TENM3: variants seen among roughly 807,000 people sequenced by gnomAD.
The protein encoded by TENM3 is teneurin-3.
Under a neutral mutation model 255.1 loss-of-function variants are expected in TENM3, and 63 were observed. The observed-to-expected ratio is 0.25, with a 90% CI of 0.20 to 0.30. The LOEUF is 0.30. TENM3 is among the 10% of genes least tolerant of loss of function. The probability of loss-of-function intolerance (pLI) is 1.00; values close to 1 mark genes in which losing one functional copy is unlikely to be tolerated. For synonymous variants in TENM3, 1,306 were observed against 1,322.3 expected, an observed-to-expected ratio of 0.99 and a Z score of 0.27; for missense variants, 2,929 against 3,461.1, an observed-to-expected ratio of 0.85 and a Z score of 3.86.
At chr4:182,316,155 G>A (rs867644844) in intron 1 of TENM3, among the ~76,000 whole-genome samples, 17 of 152,280 alleles carry the variant, frequency 1.1e-4, no homozygotes, top group African/African-American at 2.6e-4. Context: ...CTTGTTGAAT[G>A]ATGGATATTT....
chr4:182,506,805 G>A (rs1296265496), intron 3 of TENM3, among the ~76,000 whole-genome samples: 1 of 152,164 alleles, frequency 6.6e-6, no homozygotes, highest in Non-Finnish European at 1.5e-5. Flanking sequence ...GGAAGAGCTC[G>A]AGACATCTTT....
intron 3 of TENM3, among the ~76,000 whole-genome samples, chr4:182,377,439 G>T (rs997160572): frequency 6.6e-5 from 10 of 151,988 alleles, no homozygotes; most frequent in Non-Finnish European, 1.3e-4. Context: ...TCAGCCTTGC[G>T]AATAGCTGGT....
At chr4:181,832,940 G>A in the TENM3 span, among the ~76,000 whole-genome samples, 1 of 152,072 alleles carries the variant, frequency 6.6e-6, no homozygotes, top group African/African-American at 2.4e-5. Flanking sequence ...CCAAACTAGT[G>A]GTGGACACAA....
intron 5 of TENM3, among the ~76,000 whole-genome samples, chr4:182,632,511 GCTGA>G (rs1235957175): frequency 2.6e-5 from 4 of 151,998 alleles, no homozygotes; most frequent in African/African-American, 7.3e-5. Context: ...TACTAGTAGC[GCTGA>G]CTATCTTCTC....
intron 13 of TENM3, among the ~76,000 whole-genome samples, chr4:182,718,532 C>T (rs192389406): frequency 5.0e-4 from 75 of 149,956 alleles, no homozygotes; most frequent in African/African-American, 1.6e-3. Flanking sequence ...GGCAGAAAAA[C>T]GGTCTACTAT....
At chr4:182,173,998 C>T (rs1752278205) in intron 1 of TENM3, among the ~76,000 whole-genome samples, 5 of 152,060 alleles carry the variant, frequency 3.3e-5, no homozygotes, top group African/African-American at 7.2e-5. Context: ...TATTAATATG[C>T]TTTAGTCACT....
chr4:181,847,614 T>C, the TENM3 span, among the ~76,000 whole-genome samples: 1 of 152,028 alleles, frequency 6.6e-6, no homozygotes, highest in African/African-American at 2.4e-5. Context: ...ATAAAACATC[T>C]ATAAAATACA....
intron 16 of TENM3, among the ~76,000 whole-genome samples, chr4:182,731,530 C>G (rs1365306033): frequency 1.3e-5 from 2 of 151,384 alleles, no homozygotes; most frequent in African/African-American, 4.9e-5. Flanking sequence ...AAAAACAAAA[C>G]CAAAAAAACC....
the TENM3 span, among the ~76,000 whole-genome samples, chr4:181,788,656 A>T: frequency 6.6e-6 from 1 of 152,012 alleles, no homozygotes; most frequent in African/African-American, 2.4e-5. Context: ...GGAGTGCAGT[A>T]GTATAATCAG....
chr4:182,645,077 C>G (rs2152499777), intron 5 of TENM3, among the ~76,000 whole-genome samples: 1 of 151,912 alleles, frequency 6.6e-6, no homozygotes, highest in East Asian at 2.0e-4. Flanking sequence ...TGGTTTTTAT[C>G]TTCATAATTG....
At chr4:182,778,898 TTAAG>T (rs1561240778) in intron 24 of TENM3, among the ~76,000 whole-genome samples, 1 of 151,710 alleles carries the variant, frequency 6.6e-6, no homozygotes, top group African/African-American at 2.4e-5. Context: ...AGATTGTTAT[TTAAG>T]TGTGTGTGTG....
chr4:181,566,187 T>C, the TENM3 span, among the ~76,000 whole-genome samples: 20,086 of 152,182 alleles, frequency 0.13, 1,681 homozygotes, highest in African/African-American at 0.23. Context: ...CAAGATTTTT[T>C]AGAACTTTTA....
the TENM3 span, among the ~76,000 whole-genome samples, chr4:181,699,150 G>A: frequency 1.3e-5 from 2 of 152,020 alleles, no homozygotes; most frequent in Admixed American, 6.6e-5. Flanking sequence ...ATACTACAAG[G>A]CCAGGCATAG....
intron 1 of TENM3, among the ~76,000 whole-genome samples, chr4:182,256,912 T>C (rs1035919668): frequency 2.6e-5 from 4 of 151,462 alleles, no homozygotes; most frequent in Non-Finnish European, 5.9e-5. Context: ...AAAATAATTA[T>C]TAAAAAAAAA....
At chr4:181,885,531 A>G in the TENM3 span, among the ~76,000 whole-genome samples, 2 of 152,026 alleles carry the variant, frequency 1.3e-5, no homozygotes, top group Non-Finnish European at 2.9e-5. Context: ...AAAGTGCTGG[A>G]ATTACAGGGG....
chr4:181,825,740 C>T, the TENM3 span, among the ~76,000 whole-genome samples: 4 of 152,146 alleles, frequency 2.6e-5, no homozygotes, highest in Non-Finnish European at 4.4e-5. Flanking sequence ...GTAAATATTC[C>T]TATTTTTTAC....
chr4:182,027,640 CT>C, the TENM3 span, among the ~76,000 whole-genome samples: 1 of 151,562 alleles, frequency 6.6e-6, no homozygotes, highest in South Asian at 2.1e-4. Flanking sequence ...ATGCATGTTC[CT>C]TCTGTCCCCA....
At chr4:181,526,683 T>C in the TENM3 span, among the ~76,000 whole-genome samples, 1 of 152,162 alleles carries the variant, frequency 6.6e-6, no homozygotes, top group Admixed American at 6.6e-5. Flanking sequence ...ATGGTGGTGG[T>C]GATTCTTGTC....
chr4:182,119,446 T>C, the TENM3 span, among the ~76,000 whole-genome samples: 2 of 151,238 alleles, frequency 1.3e-5, no homozygotes, highest in Non-Finnish European at 2.9e-5. Flanking sequence ...ACGGTTCCGG[T>C]TTACCTCCCT....
Sources: allele counts gnomAD v4.1 joint callset (sites outside exome capture counted in the v4.1 genomes callset), GRCh38; gene constraint gnomAD v4.1.1; transcripts MANE v1.5; gene names NCBI Gene and HGNC (gene_info 2026-07-23, HGNC 2026-07-21).